Variants in DAAM1 observed in about 807,000 individuals in gnomAD.
DAAM1 encodes the protein dishevelled associated activator of morphogenesis 1, also known as disheveled-associated activator of morphogenesis 1.
A neutral mutation model predicts 130.0 loss-of-function variants in DAAM1; 52 were observed. That is an observed-to-expected ratio of 0.40 (90% CI 0.32 to 0.50). The LOEUF (loss-of-function observed/expected upper bound fraction) is 0.50. Among genes scored for constraint, DAAM1 ranks in the 20% least tolerant of loss-of-function variants. The pLI, the probability that DAAM1 is intolerant of heterozygous loss-of-function variation, is 0.61. For synonymous variants in DAAM1, 452 were observed against 444.5 expected, an observed-to-expected ratio of 1.02 and a Z score of -0.21; for missense variants, 1,134 against 1,303.8, an observed-to-expected ratio of 0.87 and a Z score of 2.01.
chr14:59,233,634 G>A (rs933538012), intron 1 of DAAM1, among the ~76,000 whole-genome samples: 18 of 151,788 alleles, frequency 1.2e-4, no homozygotes, highest in South Asian at 2.1e-4. Context: ...AAGCTCTTTC[G>A]TTTAATTAGA....
chr14:59,318,484 A>G (rs1051925587), intron 4 of DAAM1, among the ~76,000 whole-genome samples: 1 of 150,448 alleles, frequency 6.6e-6, no homozygotes, highest in Admixed American at 6.7e-5. Flanking sequence ...AGGCCTGTGC[A>G]TACTAGATAT....
chr14:59,287,962 A>G (rs1883536896), intron 2 of DAAM1, among the ~76,000 whole-genome samples: 1 of 152,192 alleles, frequency 6.6e-6, no homozygotes, highest in African/African-American at 2.4e-5. Flanking sequence ...ACGGACCATC[A>G]AAGCAATCCT....
intron 15 of DAAM1, among the ~76,000 whole-genome samples, chr14:59,334,154 T>C (rs1166658806): frequency 1.3e-5 from 2 of 152,192 alleles, no homozygotes; most frequent in Non-Finnish European, 2.9e-5. Context: ...ATTTTTTAAC[T>C]GTAAATATAT....
At chr14:59,345,713 T>TG (rs1286278336) in intron 16 of DAAM1, among the ~76,000 whole-genome samples, 1 of 152,160 alleles carries the variant, frequency 6.6e-6, no homozygotes, top group Non-Finnish European at 1.5e-5. Flanking sequence ...TGCAAGCCCA[T>TG]GGGTGAGTGT....
intron 1 of DAAM1, among the ~76,000 whole-genome samples, chr14:59,226,936 A>G (rs985920577): frequency 6.6e-6 from 1 of 152,174 alleles, no homozygotes; most frequent in Non-Finnish European, 1.5e-5. Context: ...TGCAGCATGA[A>G]TAGTGCCTCT....
chr14:59,236,666 A>AT lies in DAAM1; in HGVS notation c.-37-26773dup. ...GTTTTATCCATCTGAAATTAGAGTG[A>AT]TTATCTTTGTCTGTCTCCTCTCACT... On this transcript the variant is annotated intron_variant, in intron 1 of 24. Transcript: ENST00000360909. Among the ~76,000 whole-genome samples the AT allele has an allele frequency of 1.3e-5, 2 of 152,148 alleles. 1 individual carries two copies. The highest frequency in any genetic ancestry group is 6.8e-3 in the Middle Eastern group (2 of 294).
chr14:59,299,474 A>G (rs1007118337), intron 3 of DAAM1, among the ~76,000 whole-genome samples: 5 of 152,212 alleles, frequency 3.3e-5, no homozygotes, highest in East Asian at 1.9e-4. Context: ...AATGGTAACA[A>G]TGGTGACTAT....
chr14:59,299,232 A>G (rs948652694), intron 3 of DAAM1, among the ~76,000 whole-genome samples: 16 of 152,246 alleles, frequency 1.1e-4, no homozygotes, highest in Non-Finnish European at 1.8e-4. Flanking sequence ...TAAGATAAAT[A>G]GAAGCCAAAT....
intron 1 of DAAM1, among the ~76,000 whole-genome samples, chr14:59,199,679 T>C (rs1218837318): frequency 2.0e-5 from 3 of 152,228 alleles, no homozygotes; most frequent in Non-Finnish European, 4.4e-5. Context: ...TTCAAAGGTT[T>C]ATCTAGCAGT....
At chr14:59,291,752 G>A (rs759876497) in intron 3 of DAAM1, among the ~76,000 whole-genome samples, 8 of 152,058 alleles carry the variant, frequency 5.3e-5, no homozygotes, top group Admixed American at 1.3e-4. Flanking sequence ...CCAAACCAGC[G>A]ATGGAAGAAA....
At chr14:59,190,133 C>T (rs1389852440) in intron 1 of DAAM1, among the ~76,000 whole-genome samples, 1 of 152,076 alleles carries the variant, frequency 6.6e-6, no homozygotes, top group Non-Finnish European at 1.5e-5. Context: ...TGGGTGTGGT[C>T]AAACGCTCGC....
At chr14:59,236,137 C>G (rs2139453451) in intron 1 of DAAM1, among the ~76,000 whole-genome samples, 1 of 151,980 alleles carries the variant, frequency 6.6e-6, no homozygotes. Flanking sequence ...GGAGAATTGC[C>G]TCTTTAGTAT....
At chr14:59,281,299 GGGACC>G (rs1366193114) in intron 2 of DAAM1, among the ~76,000 whole-genome samples, 1 of 152,108 alleles carries the variant, frequency 6.6e-6, no homozygotes, top group African/African-American at 2.4e-5. Flanking sequence ...GGCTAGCAGG[GGGACC>G]CCTTGCCCTT....
At chr14:59,206,425 G>A (rs1404368370) in intron 1 of DAAM1, among the ~76,000 whole-genome samples, 1 of 152,038 alleles carries the variant, frequency 6.6e-6, no homozygotes, top group African/African-American at 2.4e-5. Context: ...ACAGGTGCCT[G>A]CCACCATGCC....
intron 18 of DAAM1, 69 bp downstream of exon 18, chr14:59,352,701 ATGT>A: frequency 1.4e-6 from 2 of 1,404,462 alleles, no homozygotes; most frequent in African/African-American, 1.4e-5. Context: ...TTTTCAATTC[ATGT>A]TGAATTGTTT....
Position 59,323,253 on chromosome 14 carries a change from C to T in DAAM1, c.774+28C>T, listed in dbSNP as rs542286199. 44 of 1,548,938 alleles carry T rather than the reference C, an allele frequency of 2.8e-5. No homozygotes were observed. In the South Asian group the frequency reaches 4.9e-4, roughly 17 times the overall value. ...GGGTGTTCGCTCAGCCTTCTTCACT[C>T]ACCCCTTCTTTAAAGTCTGCTCAAA... On this transcript the variant is annotated intron_variant, in intron 6 of 24. Coordinates refer to ENST00000360909, the MANE Select transcript of DAAM1 (RefSeq NM_001270520.2).
chr14:59,288,753 C>T (rs1293023753), intron 2 of DAAM1, among the ~76,000 whole-genome samples: 1 of 151,470 alleles, frequency 6.6e-6, no homozygotes, highest in Admixed American at 6.6e-5. Context: ...GCAGGCTTAA[C>T]AGGAAGCATG....
chr14:59,294,527 G>A (rs1883875461), intron 3 of DAAM1, among the ~76,000 whole-genome samples: 1 of 151,696 alleles, frequency 6.6e-6, no homozygotes, highest in Middle Eastern at 3.5e-3. Flanking sequence ...GGACTGGTTG[G>A]TCATCCTTGC....
At chr14:59,305,202 CAT>C (rs1255053437) in intron 3 of DAAM1, among the ~76,000 whole-genome samples, 1 of 152,178 alleles carries the variant, frequency 6.6e-6, no homozygotes, top group Non-Finnish European at 1.5e-5. Context: ...TCCATGGTGA[CAT>C]GTGGATCAAA....
Sources: gnomAD v4.1 joint callset for allele counts (sites outside exome capture counted in the v4.1 genomes callset) on GRCh38, gnomAD v4.1.1 for gene constraint, MANE v1.5 for transcripts, NCBI Gene and HGNC (gene_info 2026-07-23, HGNC 2026-07-21) for gene names.